Variants in CCDC13 observed in about 807,000 individuals in gnomAD.
The protein encoded by CCDC13 is coiled-coil domain containing 13.
In CCDC13, 70 loss-of-function variants were observed where a neutral mutation model predicts 87.3. The ratio of observed to expected loss-of-function variants is 0.80; its 90% CI spans 0.66 to 0.98. CCDC13 has a LOEUF of 0.98. CCDC13 is among the 50% of genes least tolerant of loss of function. The pLI, the probability that CCDC13 is intolerant of heterozygous loss-of-function variation, is 0.00. For missense variants in CCDC13, 842 were observed against 892.0 expected (o/e 0.94, Z 0.71); for synonymous variants, 317 against 360.3 (o/e 0.88, Z 1.36).
chr3:42,734,304 C>G (rs1048762646), intron 10 of CCDC13, among the ~76,000 whole-genome samples: 1 of 152,190 alleles, frequency 6.6e-6, no homozygotes, highest in Non-Finnish European at 1.5e-5. Flanking sequence ...ATGCTTGGCC[C>G]CCATTCAGCT....
chr3:42,753,355 T>C (rs996764086), intron 3 of CCDC13, among the ~76,000 whole-genome samples: 1 of 152,222 alleles, frequency 6.6e-6, no homozygotes, highest in Non-Finnish European at 1.5e-5. Context: ...GCTAAATAAA[T>C]GCTTACTGCT....
chr3:42,747,197 TG>T, intron 6 of CCDC13, 59 bp downstream of exon 6: 1 of 1,255,122 alleles, frequency 8.0e-7, no homozygotes. Context: ...GTGCCAGCCG[TG>T]CTCTTCCCAA....
intron 1 of CCDC13, among the ~76,000 whole-genome samples, chr3:42,765,723 A>C (rs1049513162): frequency 6.6e-6 from 1 of 152,230 alleles, no homozygotes; most frequent in Non-Finnish European, 1.5e-5. Flanking sequence ...ATGCAGAAGA[A>C]ATTCACCTGG....
rs553825950 is a variant in CCDC13 at position 42,709,236 on chromosome 3, C to T, written c.1989-97G>A. 6.2e-6 allele frequency: 8 copies of T among 1,282,418 alleles called. No homozygotes were observed. In the East Asian group the frequency reaches 1.8e-4, roughly 29 times the overall value. 79.4% of individuals were successfully genotyped at this position (1,282,418 alleles called of 1,614,324 possible). ...GGGAATGTGGTTGCCAGCATGGCTG[C>T]TCTTCAGGCTCAGGCTTCCCTCTGA... On this transcript the variant is annotated intron_variant, in intron 15 of 15. Coordinates refer to ENST00000310232, the MANE Select transcript of CCDC13 (RefSeq NM_144719.4).
In CCDC13 at chr3:42,739,696, T is replaced by C. The variant is rs763897273; in HGVS notation, c.1102A>G (p.Ser368Gly). The change falls in exon 9 of 16, where the codon AGT (serine) becomes GGT (glycine). Residue 368 changes from serine to glycine, a missense_variant. Coordinates refer to ENST00000310232, the MANE Select transcript of CCDC13 (RefSeq NM_144719.4). ...LLSSEMKTLK[S>G]QMGTLVEKGR... ...TTCTCCACCAGGGTTCCCATCTGAC[T>C]CTTGAGGGTCTTCATCTCACTTGAC... 6.2e-7 allele frequency: 1 copy of C among 1,614,076 alleles called. No homozygotes were observed. Among genetic ancestry groups the C allele is most frequent in the African/African-American group, 1.3e-5 (1 of 74,942 alleles).
intron 1 of CCDC13, among the ~76,000 whole-genome samples, chr3:42,767,793 G>T (rs1699961863): frequency 6.6e-6 from 1 of 152,016 alleles, no homozygotes; most frequent in South Asian, 2.1e-4. Flanking sequence ...TGGCAAATGT[G>T]GTAAAACCCC....
chr3:42,740,967 C>G (rs943986125), intron 8 of CCDC13: 1 of 152,234 alleles, frequency 6.6e-6, no homozygotes, highest in African/African-American at 2.4e-5. Flanking sequence ...CCTGCCTACA[C>G]ACTCCAGGCT....
At chr3:42,770,577 A>C (rs1285711118) in intron 1 of CCDC13, 3 of 152,238 alleles carry the variant, frequency 2.0e-5, no homozygotes, top group African/African-American at 7.2e-5. Flanking sequence ...AGAGAATAAA[A>C]GCAGGCTGCC....
chr3:42,719,220 T>A (rs1698501390), intron 13 of CCDC13: 1 of 152,170 alleles, frequency 6.6e-6, no homozygotes, highest in African/African-American at 2.4e-5. Context: ...AGCTTTTTCT[T>A]CCCTAAAAGG....
chr3:42,760,292 CTAAATAAATAAATAAATAAA>C (rs56384940), intron 1 of CCDC13, among the ~76,000 whole-genome samples: 23 of 144,762 alleles, frequency 1.6e-4, no homozygotes, highest in East Asian at 8.1e-4. Context: ...ATTCTTGTCT[CTAAATAAATAAATAAATAAA>C]TAAATAAATA....
At position 42,707,382 on chromosome 3, in the gene CCDC13, C is replaced by T. The variant is rs1257698084; in HGVS notation, c.*1598G>A. 6.6e-6 allele frequency among the ~76,000 whole-genome samples: 1 copy of T among 152,202 alleles called. No individual in the cohort carries two copies. On this transcript the variant is annotated 3_prime_UTR_variant, in exon 16 of 16. Coordinates refer to ENST00000310232, the MANE Select transcript of CCDC13 (RefSeq NM_144719.4). The stretch of plus-strand genomic sequence containing the variant: ...CCCCACCAGAATCATCAGTTCATCC[C>T]GGTGGCCTTTGCTCTAACTTGCTGT...
intron 1 of CCDC13, among the ~76,000 whole-genome samples, chr3:42,771,491 AC>A (rs1175496699): frequency 6.6e-6 from 1 of 152,210 alleles, no homozygotes; most frequent in African/African-American, 2.4e-5. Context: ...GTGATGACTC[AC>A]ACCTGTAATC....
Position 42,742,955 on chromosome 3 carries a change from G to C in CCDC13, c.928C>G (p.Gln310Glu). 1 of 1,614,070 alleles carries C rather than the reference G, an allele frequency of 6.2e-7. No individual in the cohort carries two copies. Among genetic ancestry groups the C allele is most frequent in the Non-Finnish European group, 8.5e-7 (1 of 1,179,986 alleles). ...VYPDPRKLSA[Q>E]EKNLLRIRSL... is the part of the protein sequence containing the mutation. ...CGGATCCTCAGCAGGTTTTTCTCCT[G>C]TGCCGACAGCTTCCTTGGGTCTGGA... The change falls in exon 8 of 16, where the codon CAG (glutamine) becomes GAG (glutamate). Residue 310 changes from glutamine (Q) to glutamate (E), a missense_variant. Coordinates refer to ENST00000310232, the MANE Select transcript of CCDC13 (RefSeq NM_144719.4).
At chr3:42,762,030 G>A (rs759768598) in intron 1 of CCDC13, among the ~76,000 whole-genome samples, 4 of 152,182 alleles carry the variant, frequency 2.6e-5, no homozygotes, top group Non-Finnish European at 4.4e-5. Flanking sequence ...TCTTAAACTT[G>A]CTTCAATACC....
intron 1 of CCDC13, among the ~76,000 whole-genome samples, chr3:42,770,041 G>T (rs920728223): frequency 6.6e-6 from 1 of 152,262 alleles, no homozygotes; most frequent in Admixed American, 6.5e-5. Flanking sequence ...CCCAAGGGCT[G>T]AGGAGTGCGG....
At chr3:42,742,415 T>C (rs1699249119) in intron 8 of CCDC13, among the ~76,000 whole-genome samples, 1 of 152,158 alleles carries the variant, frequency 6.6e-6, no homozygotes. Flanking sequence ...CACCTCTGGA[T>C]TGTTCGTTTA....
chr3:42,758,329 C>G lies in CCDC13; in HGVS notation c.17G>C (p.Ser6Thr), dbSNP rs769391569. MAADE[S>T]SQNTLRLQFK... ...CTGGAGCCGCAAAGTGTTCTGTGAG[C>G]TTTCATCTGCTGCCATCCTGCCCTA... Residue 6 changes from serine (S) to threonine (T), a missense_variant, in exon 2 of 16, where the codon AGC becomes ACC. Coordinates refer to ENST00000310232, the MANE Select transcript of CCDC13 (RefSeq NM_144719.4). 1.2e-6 allele frequency: 2 copies of G among 1,612,540 alleles called. No homozygotes were observed. Among genetic ancestry groups the G allele is most frequent in the Admixed American group, 1.7e-5 (1 of 60,030 alleles).
At chr3:42,724,592 A>G (rs1232232787) in intron 13 of CCDC13, among the ~76,000 whole-genome samples, 2 of 152,214 alleles carry the variant, frequency 1.3e-5, no homozygotes, top group African/African-American at 2.4e-5. Flanking sequence ...TAATTTGTCA[A>G]TGTATTTGAT....
intron 1 of CCDC13, among the ~76,000 whole-genome samples, chr3:42,761,018 A>G (rs1403014729): frequency 5.3e-5 from 8 of 152,188 alleles, no homozygotes; most frequent in Admixed American, 5.2e-4. Flanking sequence ...AGTTTCTTGT[A>G]CATTCTTGAT....
Sources: gnomAD v4.1 joint callset for allele counts (sites outside exome capture counted in the v4.1 genomes callset) on GRCh38, gnomAD v4.1.1 for gene constraint, MANE v1.5 for transcripts, NCBI Gene and HGNC (gene_info 2026-07-23, HGNC 2026-07-21) for gene names.